Variants in MITF observed in about 807,000 individuals in gnomAD.
MITF encodes the protein microphthalmia-associated transcription factor.
Under a neutral mutation model 60.5 loss-of-function variants are expected in MITF, and 17 were observed. That is an observed-to-expected ratio of 0.28 (90% CI 0.19 to 0.42). The LOEUF is 0.42. Among genes scored for constraint, MITF ranks in the 10% least tolerant of loss-of-function variants. The pLI is 1.00. For synonymous variants in MITF, 260 were observed against 248.5 expected (o/e 1.05, Z -0.43); for missense variants, 622 against 683.5 (o/e 0.91, Z 1.00).
chr3:69,745,315 G>T (rs1210809104), intron 1 of MITF, among the ~76,000 whole-genome samples: 5 of 152,120 alleles, frequency 3.3e-5, no homozygotes, highest in African/African-American at 1.2e-4. Flanking sequence ...CTGGTTGATT[G>T]TGCAAAATTC....
chr3:69,750,920 T>A (rs1703914341), intron 1 of MITF, among the ~76,000 whole-genome samples: 1 of 152,144 alleles, frequency 6.6e-6, no homozygotes, highest in Non-Finnish European at 1.5e-5. Context: ...AGAAAATGAA[T>A]TTATTGGTTA....
intron 1 of MITF, among the ~76,000 whole-genome samples, chr3:69,805,753 G>A (rs2062995141): frequency 6.6e-6 from 1 of 151,936 alleles, no homozygotes; most frequent in African/African-American, 2.4e-5. Context: ...CCAACCCCTG[G>A]CCTCAAGCAA....
At chr3:69,787,456 G>T (rs1054550490) in intron 1 of MITF, among the ~76,000 whole-genome samples, 3 of 152,168 alleles carry the variant, frequency 2.0e-5, no homozygotes, top group South Asian at 2.1e-4. Context: ...ACTTGTAAAG[G>T]ATCTTGTTCC....
At chr3:69,853,351 T>A (rs541008571) in intron 1 of MITF, among the ~76,000 whole-genome samples, 1 of 152,296 alleles carries the variant, frequency 6.6e-6, no homozygotes, top group African/African-American at 2.4e-5. Context: ...TTCACTATTA[T>A]CCTTCTTAAT....
At chr3:69,909,996 A>G (rs1038849404) in intron 2 of MITF, among the ~76,000 whole-genome samples, 3 of 152,206 alleles carry the variant, frequency 2.0e-5, no homozygotes, top group African/African-American at 7.2e-5. Context: ...AGGCCATGTC[A>G]GAGACCTTCA....
chr3:69,847,225 C>G (rs150041742), intron 1 of MITF, among the ~76,000 whole-genome samples: 1 of 152,192 alleles, frequency 6.6e-6, no homozygotes, highest in East Asian at 1.9e-4. Flanking sequence ...AATGTAGTAC[C>G]CATGAGCTCA....
chr3:69,831,594 T>C (rs896414779), intron 1 of MITF, among the ~76,000 whole-genome samples: 2 of 152,184 alleles, frequency 1.3e-5, no homozygotes, highest in Non-Finnish European at 2.9e-5. Flanking sequence ...GAGTTTCATT[T>C]TTGTGGAGGG....
At chr3:69,888,476 C>T (rs1161308080) in intron 2 of MITF, among the ~76,000 whole-genome samples, 4 of 148,020 alleles carry the variant, frequency 2.7e-5, no homozygotes, top group Admixed American at 1.3e-4. Context: ...GAGATCGGTG[C>T]CTTAATTAGC....
intron 5 of MITF, 99 bp from the exon 6 acceptor site, chr3:69,948,952 T>C (rs2066170490): frequency 1.1e-6 from 1 of 869,970 alleles, no homozygotes; most frequent in Non-Finnish European, 1.9e-6. Context: ...TATCAAATAA[T>C]TTTTCTTAAA....
intron 1 of MITF, among the ~76,000 whole-genome samples, chr3:69,821,813 G>C (rs945032552): frequency 6.6e-6 from 1 of 152,004 alleles, no homozygotes; most frequent in East Asian, 1.9e-4. Flanking sequence ...GTGCAGCGAC[G>C]TGATCTCGGC....
At chr3:69,922,335 C>A (rs1365336427) in intron 2 of MITF, among the ~76,000 whole-genome samples, 1 of 152,062 alleles carries the variant, frequency 6.6e-6, no homozygotes, top group East Asian at 1.9e-4. Flanking sequence ...GATTCTCCTG[C>A]CTCAGCCTCC....
intron 1 of MITF, among the ~76,000 whole-genome samples, chr3:69,814,484 A>G (rs1168905066): frequency 6.6e-6 from 1 of 151,984 alleles, no homozygotes; most frequent in South Asian, 2.1e-4. Flanking sequence ...GCCCACCATT[A>G]TGCCTGGCTA....
In MITF at chr3:69,879,170, G is replaced by C. The variant is rs199697494; in HGVS notation, c.141G>C (p.Pro47=). 6.2e-7 allele frequency: 1 copy of C among 1,614,204 alleles called. No individual in the cohort carries two copies. Among genetic ancestry groups the C allele is most frequent in the Non-Finnish European group, 8.5e-7 (1 of 1,180,040 alleles). ...AGCATCCTGGGGCCTCCAAGCCTCC[G>C]ATAAGCTCCTCCAGTATGACATCAC... ...SAEHPGASKP[P]ISSSSMTSRI... Residue 47 remains proline, a synonymous_variant, in exon 2 of 10, where the codon CCG becomes CCC. Coordinates refer to ENST00000352241, the MANE Select transcript of MITF (RefSeq NM_001354604.2).
chr3:69,779,602 G>T (rs978850417), intron 1 of MITF, among the ~76,000 whole-genome samples: 7 of 152,120 alleles, frequency 4.6e-5, no homozygotes, highest in Admixed American at 6.6e-5. Context: ...GAGCGAGCTT[G>T]AACTTTGTTC....
intron 2 of MITF, among the ~76,000 whole-genome samples, chr3:69,904,889 T>A (rs2065064794): frequency 6.6e-6 from 1 of 152,178 alleles, no homozygotes; most frequent in Non-Finnish European, 1.5e-5. Flanking sequence ...GAGTGTGAGA[T>A]GATGCATATT....
intron 2 of MITF, among the ~76,000 whole-genome samples, chr3:69,931,308 A>G (rs754668202): frequency 6.6e-6 from 1 of 152,186 alleles, no homozygotes; most frequent in Non-Finnish European, 1.5e-5. Context: ...TTCGGCTGAG[A>G]TAAAACCACA....
At chr3:69,773,988 T>C (rs542484013) in intron 1 of MITF, among the ~76,000 whole-genome samples, 8 of 152,252 alleles carry the variant, frequency 5.3e-5, no homozygotes, top group Admixed American at 3.9e-4. Context: ...TCATAAAGTG[T>C]TGTTAATGGA....
intron 9 of MITF, among the ~76,000 whole-genome samples, chr3:69,962,732 A>G (rs1283511014): frequency 1.3e-5 from 2 of 152,198 alleles, no homozygotes; most frequent in Non-Finnish European, 2.9e-5. Context: ...GTGCCCAGGG[A>G]TACACTCAGA....
intron 1 of MITF, among the ~76,000 whole-genome samples, chr3:69,769,135 T>C: frequency 6.6e-6 from 1 of 152,226 alleles, no homozygotes; most frequent in East Asian, 1.9e-4. Context: ...TTTGAGTCTT[T>C]GTTGTACTAC....
Sources: gnomAD v4.1 joint callset for allele counts (sites outside exome capture counted in the v4.1 genomes callset) on GRCh38, gnomAD v4.1.1 for gene constraint, MANE v1.5 for transcripts, NCBI Gene and HGNC (gene_info 2026-07-23, HGNC 2026-07-21) for gene names.